The following PHKB variants were observed in gnomAD, a reference collection of about 807,000 sequenced individuals.
PHKB encodes the protein phosphorylase kinase regulatory subunit beta, also known as phosphorylase b kinase regulatory subunit beta.
In PHKB, 122 loss-of-function variants were observed where a neutral mutation model predicts 152.1. The ratio of observed to expected loss-of-function variants is 0.80; its 90% confidence interval spans 0.69 to 0.93. PHKB has a LOEUF of 0.93. Ranked by LOEUF, PHKB falls within the 40% of genes least tolerant of loss-of-function variation. PHKB has a pLI of 0.00. For synonymous variants in PHKB, 436 were observed against 464.9 expected (o/e 0.94, Z 0.80); for missense variants, 1,304 against 1,328.4 (o/e 0.98, Z 0.29).
chr16:47,537,259 C>T lies in PHKB; in HGVS notation c.595-10174C>T, dbSNP rs138599614. Among the ~76,000 whole-genome samples, 692 of 152,302 alleles carry T rather than the reference C, an allele frequency of 4.5e-3. 8 individuals are homozygous for T. The highest frequency in any genetic ancestry group is 0.016 in the African/African-American group (666 of 41,564). ...TTATTAGTGACTCATGAATCAGTGG[C>T]GTTTCTTCCAAAGATCTAGCAAAGG... On this transcript the variant is annotated intron_variant, in intron 6 of 30. Coordinates refer to ENST00000323584, the MANE Select transcript of PHKB (RefSeq NM_000293.3).
At position 47,689,021 on chromosome 16, in the gene PHKB, C is replaced by T. The variant is rs1974013893; in HGVS notation, c.2631-20C>T. On this transcript the variant is annotated intron_variant, in intron 26 of 30. Coordinates refer to ENST00000323584, the MANE Select transcript of PHKB (RefSeq NM_000293.3). ...TTATTTCAAGAGTTATTGATTCATG[C>T]TTCCCCTGTTTTGTTTCAGGTGGAT... 1.2e-6 allele frequency: 2 copies of T among 1,613,498 alleles called. No individual in the cohort carries two copies. Among genetic ancestry groups the T allele is most frequent in the Non-Finnish European group, 1.7e-6 (2 of 1,179,620 alleles).
intron 20 of PHKB, among the ~76,000 whole-genome samples, chr16:47,651,396 T>A (rs1273564184): frequency 1.3e-5 from 2 of 152,176 alleles, no homozygotes; most frequent in African/African-American, 4.8e-5. Flanking sequence ...TACTAAACAC[T>A]CTTTGTGCTT....
At chr16:47,655,552 T>TCAA (rs1973320962) in intron 20 of PHKB, among the ~76,000 whole-genome samples, 3 of 152,204 alleles carry the variant, frequency 2.0e-5, no homozygotes, top group East Asian at 1.9e-4. Flanking sequence ...TGTGGTGATT[T>TCAA]TCTCTCAAGT....
intron 4 of PHKB, 104 bp from the exon 5 acceptor site, chr16:47,511,561 T>G: frequency 1.2e-6 from 1 of 838,384 alleles, no homozygotes; most frequent in Non-Finnish European, 2.0e-6. Context: ...GTCCTCTGCC[T>G]TAGCTTTGTT....
chr16:47,492,714 T>C (rs1970171203), intron 1 of PHKB, among the ~76,000 whole-genome samples: 1 of 152,140 alleles, frequency 6.6e-6, no homozygotes, highest in Non-Finnish European at 1.5e-5. Context: ...AGGCTGACCT[T>C]CTCAACACCT....
At chr16:47,521,708 A>G (rs1970688550) in intron 6 of PHKB, among the ~76,000 whole-genome samples, 2 of 150,852 alleles carry the variant, frequency 1.3e-5, no homozygotes, top group Admixed American at 1.3e-4. Context: ...TTTTTTGGAG[A>G]TGCCCTTCAT....
Position 47,539,602 on chromosome 16 carries a change from TA to T in PHKB, c.595-7829del, listed in dbSNP as rs754410309. Among the ~76,000 whole-genome samples the T allele has an allele frequency of 3.9e-5, 6 of 152,244 alleles. No homozygotes were observed. The East Asian group carries it at 9.6e-4, about 24-fold the overall frequency. On this transcript the variant is annotated intron_variant, in intron 6 of 30. Coordinates refer to ENST00000323584, the MANE Select transcript of PHKB (RefSeq NM_000293.3). Reference sequence around the variant, plus strand: ...TATACTGTATATTAGACTCTAAGCTTAAGTGAGCTTAATATTAGAAAAAATA... The same window carrying T: ...TATACTGTATATTAGACTCTAAGCTTAGTGAGCTTAATATTAGAAAAAATA...
chr16:47,654,836 A>T (rs1414252133), intron 20 of PHKB, among the ~76,000 whole-genome samples: 1 of 151,560 alleles, frequency 6.6e-6, no homozygotes, highest in Non-Finnish European at 1.5e-5. Flanking sequence ...TAGCATTAGG[A>T]GATATACCTA....
At chr16:47,558,399 T>G (rs1971418945) in intron 7 of PHKB, among the ~76,000 whole-genome samples, 1 of 152,060 alleles carries the variant, frequency 6.6e-6, no homozygotes, top group Admixed American at 6.6e-5. Context: ...AAAATAAAAA[T>G]AAATTTAAAA....
At chr16:47,611,013 G>A (rs891511721) in intron 14 of PHKB, 93 bp downstream of exon 14, 7 of 774,246 alleles carry the variant, frequency 9.0e-6, no homozygotes, top group Non-Finnish European at 1.6e-5. Context: ...GGTTTTTGTT[G>A]TTCCTTCTGA....
chr16:47,526,925 A>T (rs1343703385), intron 6 of PHKB, among the ~76,000 whole-genome samples: 1 of 152,202 alleles, frequency 6.6e-6, no homozygotes, highest in African/African-American at 2.4e-5. Flanking sequence ...GAGAGGCCTC[A>T]GGGAACTTTT....
In PHKB at chr16:47,610,871, A is replaced by G. The variant is rs771367256; in HGVS notation, c.1409A>G (p.Tyr470Cys). Reference sequence around the variant, plus strand: ...AAAGACATTGATCCTGTCCAGCGCTATGTCCCACTAAAGGATCAACGTAAC... The same window carrying G: ...AAAGACATTGATCCTGTCCAGCGCTGTGTCCCACTAAAGGATCAACGTAAC... ...SPKDIDPVQR[Y>C]VPLKDQRNVS... The change falls in exon 14 of 31, where the codon TAT becomes TGT. Residue 470 changes from tyrosine to cysteine, a missense_variant. By Grantham distance (194) the Tyr-to-Cys change is radical (BLOSUM62 -2). Transcript: ENST00000323584. 59 of 1,609,090 alleles carry G rather than the reference A, an allele frequency of 3.7e-5. No homozygotes were observed. Among genetic ancestry groups the G allele is most frequent in the Admixed American group, 3.5e-4 (21 of 59,950 alleles).
At chr16:47,696,278 A>G in intron 28 of PHKB, 103 bp from the exon 29 acceptor site, 1 of 740,748 alleles carries the variant, frequency 1.3e-6, no homozygotes, top group Non-Finnish European at 2.5e-6. Context: ...CCAAGGTTTT[A>G]TAAAAACTGA....
chr16:47,551,272 C>T (rs1415686454), intron 7 of PHKB, among the ~76,000 whole-genome samples: 1 of 152,062 alleles, frequency 6.6e-6, no homozygotes, highest in Non-Finnish European at 1.5e-5. Flanking sequence ...AATTTGTTTG[C>T]TCTTGCTTCT....
At chr16:47,556,295 T>G (rs1226283564) in intron 7 of PHKB, among the ~76,000 whole-genome samples, 1 of 152,194 alleles carries the variant, frequency 6.6e-6, no homozygotes, top group Non-Finnish European at 1.5e-5. Flanking sequence ...GCCAGAACTT[T>G]TAACACTATG....
intron 15 of PHKB, among the ~76,000 whole-genome samples, chr16:47,641,373 A>G (rs2151726529): frequency 6.6e-6 from 1 of 152,324 alleles, no homozygotes; most frequent in Non-Finnish European, 1.5e-5. Context: ...GGGGATTACC[A>G]AAATCAGTGC....
rs762091938 is a variant in PHKB at position 47,665,934 on chromosome 16, GC to G, written c.2427+964del. On this transcript the variant is annotated intron_variant, in intron 25 of 30. Coordinates refer to ENST00000323584, the MANE Select transcript of PHKB (RefSeq NM_000293.3). Reference sequence around the variant, plus strand: ...GAACATCTGGCCTGCTCTCTTCTTTGCCCCCAGGTCGGTTGTACGCCGTGCA... The same window carrying G: ...GAACATCTGGCCTGCTCTCTTCTTTGCCCCAGGTCGGTTGTACGCCGTGCA... The G allele has an allele frequency of 3.3e-4, 526 of 1,607,922 alleles. 2 individuals are homozygous for G. The highest frequency in any genetic ancestry group is 2.8e-3 in the Middle Eastern group (17 of 6,048).
At chr16:47,626,317 G>GGC (rs1436027280) in intron 14 of PHKB, among the ~76,000 whole-genome samples, 2 of 152,210 alleles carry the variant, frequency 1.3e-5, no homozygotes, top group African/African-American at 4.8e-5. Context: ...TGCCTCTGTA[G>GGC]TTGTTGGGTT....
intron 7 of PHKB, among the ~76,000 whole-genome samples, chr16:47,549,460 C>T (rs543508624): frequency 2.2e-4 from 33 of 152,018 alleles, no homozygotes; most frequent in Non-Finnish European, 3.7e-4. Context: ...GAGGCCGAGG[C>T]GGGCAGATCA....
Sources: allele counts gnomAD v4.1 joint callset (sites outside exome capture counted in the v4.1 genomes callset), GRCh38; gene constraint gnomAD v4.1.1; transcripts MANE v1.5; gene names NCBI Gene and HGNC (gene_info 2026-07-23, HGNC 2026-07-21).